The following MTUS2 variants were observed in gnomAD, a reference collection of about 807,000 sequenced individuals.
The protein encoded by MTUS2 is microtubule-associated tumor suppressor candidate 2.
In MTUS2, 40 loss-of-function variants were observed where a neutral mutation model predicts 114.1. That is an observed-to-expected ratio of 0.35 (90% confidence interval 0.27 to 0.46). The LOEUF (loss-of-function observed/expected upper bound fraction) is 0.46. MTUS2 is among the 20% of genes least tolerant of loss of function. MTUS2 has a pLI of 1.00. For missense variants in MTUS2, 1,679 were observed against 1,705.4 expected, an observed-to-expected ratio of 0.98 and a Z score of 0.27; for synonymous variants, 688 against 672.0, an observed-to-expected ratio of 1.02 and a Z score of -0.37.
At chr13:29,367,023 A>T (rs373417999) in intron 8 of MTUS2, among the ~76,000 whole-genome samples, 1 of 152,158 alleles carries the variant, frequency 6.6e-6, no homozygotes, top group Non-Finnish European at 1.5e-5. Context: ...GGAATGGTCC[A>T]TCCTAATCAT....
intron 6 of MTUS2, chr13:29,307,294 G>C (rs1899515201): frequency 1.5e-6 from 1 of 665,592 alleles, no homozygotes; most frequent in Non-Finnish European, 2.8e-6. Context: ...TATCATGGAA[G>C]GACTCATGAC....
intron 7 of MTUS2, among the ~76,000 whole-genome samples, chr13:29,326,786 G>A (rs938267435): frequency 1.3e-5 from 2 of 152,038 alleles, no homozygotes; most frequent in Middle Eastern, 3.2e-3. Flanking sequence ...TTCGACACCA[G>A]CCTGACCAAC....
intron 4 of MTUS2, among the ~76,000 whole-genome samples, chr13:29,053,670 G>A (rs995391917): frequency 6.6e-6 from 1 of 152,110 alleles, no homozygotes; most frequent in Non-Finnish European, 1.5e-5. Context: ...CATACAGTAT[G>A]TACTGTTTTT....
At chr13:28,985,234 T>G (rs1286623077) in intron 2 of MTUS2, among the ~76,000 whole-genome samples, 1 of 152,200 alleles carries the variant, frequency 6.6e-6, no homozygotes, top group Non-Finnish European at 1.5e-5. Context: ...AGAAAAAGAT[T>G]ATCCAATTCA....
At chr13:29,358,869 G>A (rs1402944928) in intron 7 of MTUS2, among the ~76,000 whole-genome samples, 1 of 150,366 alleles carries the variant, frequency 6.7e-6, no homozygotes. Flanking sequence ...CCAATTAAAA[G>A]GTTGCTAGAC....
At chr13:29,091,991 G>A (rs758086397) in intron 4 of MTUS2, among the ~76,000 whole-genome samples, 3 of 152,180 alleles carry the variant, frequency 2.0e-5, no homozygotes, top group Non-Finnish European at 4.4e-5. Context: ...TCCTGATCCG[G>A]CACCTGTTGT....
At chr13:28,880,424 T>C (rs921369665) in intron 2 of MTUS2, among the ~76,000 whole-genome samples, 14 of 152,216 alleles carry the variant, frequency 9.2e-5, no homozygotes, top group African/African-American at 3.1e-4. Flanking sequence ...TTGGATTTTG[T>C]GAAGTGGAAA....
At chr13:29,476,958 A>G (rs1346384960) in intron 9 of MTUS2, 1 of 152,206 alleles carries the variant, frequency 6.6e-6, no homozygotes, top group African/African-American at 2.4e-5. Context: ...AAGCAAACAC[A>G]TCGATGTCAC....
intron 5 of MTUS2, among the ~76,000 whole-genome samples, chr13:29,130,564 A>T (rs1486539922): frequency 6.6e-6 from 1 of 151,970 alleles, no homozygotes; most frequent in Non-Finnish European, 1.5e-5. Flanking sequence ...TTTTTCTTGC[A>T]CTTTTCACCT....
At chr13:29,102,531 G>A (rs1890466041) in intron 5 of MTUS2, among the ~76,000 whole-genome samples, 4 of 152,224 alleles carry the variant, frequency 2.6e-5, no homozygotes, top group East Asian at 1.9e-4. Context: ...GCACCCAGGG[G>A]ATAAGAGCTG....
At chr13:28,923,988 C>A (rs1434055806) in intron 2 of MTUS2, among the ~76,000 whole-genome samples, 2 of 152,130 alleles carry the variant, frequency 1.3e-5, no homozygotes, top group Non-Finnish European at 2.9e-5. Flanking sequence ...CAACTGGGAG[C>A]AGAGTGATTC....
At chr13:29,175,593 G>A (rs758392261) in intron 5 of MTUS2, among the ~76,000 whole-genome samples, 1 of 152,146 alleles carries the variant, frequency 6.6e-6, no homozygotes, top group Admixed American at 6.5e-5. Flanking sequence ...GCATTTGAGG[G>A]CTACAGTATT....
intron 4 of MTUS2, among the ~76,000 whole-genome samples, chr13:29,084,788 C>CA (rs1460492851): frequency 1.8e-5 from 2 of 112,692 alleles, no homozygotes; most frequent in Non-Finnish European, 3.8e-5. Flanking sequence ...TCCACCCCCC[C>CA]CCCTCACCGT....
At chr13:29,117,754 G>T (rs554457162) in intron 5 of MTUS2, among the ~76,000 whole-genome samples, 4 of 152,142 alleles carry the variant, frequency 2.6e-5, no homozygotes, top group Admixed American at 2.0e-4. Flanking sequence ...AGCTGCAGCC[G>T]TCAACTGCCA....
chr13:29,215,601 A>G (rs1296340258), intron 5 of MTUS2, among the ~76,000 whole-genome samples: 2 of 143,226 alleles, frequency 1.4e-5, no homozygotes, highest in African/African-American at 2.6e-5. Context: ...ATTTCTTCCT[A>G]TTTGCTAGTT....
chr13:28,853,897 T>C (rs57416140), intron 2 of MTUS2, among the ~76,000 whole-genome samples: 126 of 152,348 alleles, frequency 8.3e-4, no homozygotes, highest in African/African-American at 2.9e-3. Flanking sequence ...GCTAGTATTA[T>C]AACAGTGTAT....
intron 2 of MTUS2, among the ~76,000 whole-genome samples, chr13:28,899,821 C>T (rs1030453576): frequency 2.6e-5 from 4 of 152,132 alleles, no homozygotes; most frequent in African/African-American, 9.7e-5. Context: ...AACCTGCTAA[C>T]GTTTTGGAGG....
At chr13:29,362,778 A>C (rs149408360) in intron 8 of MTUS2, among the ~76,000 whole-genome samples, 1 of 152,222 alleles carries the variant, frequency 6.6e-6, no homozygotes, top group East Asian at 1.9e-4. Context: ...TGCTGATGCC[A>C]TTAATTTAAA....
intron 5 of MTUS2, among the ~76,000 whole-genome samples, chr13:29,173,191 C>G (rs1024789452): frequency 6.6e-6 from 1 of 151,984 alleles, no homozygotes; most frequent in African/African-American, 2.4e-5. Context: ...CTCAATATTT[C>G]CTTTTTTGAG....
Sources: allele counts gnomAD v4.1 joint callset (sites outside exome capture counted in the v4.1 genomes callset), GRCh38; gene constraint gnomAD v4.1.1; transcripts MANE v1.5; gene names NCBI Gene and HGNC (gene_info 2026-07-23, HGNC 2026-07-21).